EFHB: variants seen among roughly 807,000 people sequenced by gnomAD.
EFHB encodes the protein EF-hand domain family member B, also known as EF-hand domain-containing family member B.
EFHB carries 91 observed loss-of-function variants against 87.2 expected under a neutral mutation model. The observed-to-expected ratio is 1.04, with a 90% confidence interval of 0.88 to 1.24. The LOEUF is 1.24. Ranked by LOEUF, EFHB falls within the 50% of genes most tolerant of loss-of-function variation. EFHB has a pLI of 0.00. For missense variants in EFHB, 1,084 were observed against 998.8 expected (o/e 1.09, Z -1.15); for synonymous variants, 325 against 333.6 (o/e 0.97, Z 0.28).
intron 1 of EFHB, chr3:19,942,177 A>T (rs1236922700): frequency 2.0e-5 from 3 of 152,186 alleles, no homozygotes; most frequent in African/African-American, 4.8e-5. Context: ...ATAAAAATTT[A>T]AAAGTACCAC....
At chr3:19,889,769 T>C (rs1422962908) in intron 9 of EFHB, among the ~76,000 whole-genome samples, 1 of 152,146 alleles carries the variant, frequency 6.6e-6, no homozygotes, top group Non-Finnish European at 1.5e-5. Flanking sequence ...CGGTGGCTCA[T>C]GCCTGTAATC....
chr3:19,933,457 G>T lies in EFHB; in HGVS notation c.562C>A (p.Leu188Ile), dbSNP rs763709889. 5 of 1,613,892 alleles carry T rather than the reference G, an allele frequency of 3.1e-6. No homozygotes were observed. The highest frequency in any genetic ancestry group is 4.2e-6 in the Non-Finnish European group (5 of 1,179,896). ...VLMKPNTEIK[L>I]PVEVDIGLTQ... The stretch of plus-strand genomic sequence containing the variant: ...AGTCCAATGTCCACCTCCACAGGAA[G>T]CTTAATCTCTGTGTTGGGTTTCATT... Residue 188 changes from leucine (L) to isoleucine (I), a missense_variant, in exon 1 of 13, where the codon CTT (leucine) becomes ATT (isoleucine). By Grantham distance (5) the Leu-to-Ile change is conservative (BLOSUM62 2). Coordinates refer to ENST00000295824, the MANE Select transcript of EFHB (RefSeq NM_144715.4).
At chr3:19,916,381 G>C (rs2125148229) in intron 4 of EFHB, among the ~76,000 whole-genome samples, 1 of 152,092 alleles carries the variant, frequency 6.6e-6, no homozygotes, top group East Asian at 1.9e-4. Context: ...CAGGCGTGGT[G>C]GCACACGCCT....
chr3:19,938,582 A>G (rs1029063059), upstream of EFHB, among the ~76,000 whole-genome samples: 3 of 152,204 alleles, frequency 2.0e-5, no homozygotes, highest in African/African-American at 7.2e-5. Flanking sequence ...TCATCATAAA[A>G]TGTTAGGAAA....
intron 6 of EFHB, among the ~76,000 whole-genome samples, chr3:19,902,947 C>T (rs371955564): frequency 7.2e-5 from 11 of 152,008 alleles, no homozygotes; most frequent in South Asian, 2.1e-4. Flanking sequence ...GAGGCTGAGG[C>T]GGGCGGATCA....
At chr3:19,908,313 G>A (rs1039746555) in intron 5 of EFHB, among the ~76,000 whole-genome samples, 4 of 152,066 alleles carry the variant, frequency 2.6e-5, no homozygotes, top group South Asian at 4.2e-4. Flanking sequence ...CAGATGGATC[G>A]CCTGAGATTA....
In EFHB at chr3:19,879,555, A is replaced by G. The variant is rs963792092; in HGVS notation, c.*76T>C. 1.4e-6 allele frequency: 2 copies of G among 1,450,562 alleles called. No homozygotes were observed. The highest frequency in any genetic ancestry group is 2.8e-5 in the African/African-American group (2 of 70,304). The allele number at this position is 1,450,562 out of a possible 1,614,324, so 89.9% of individuals were successfully genotyped here. A position where few individuals can be genotyped will look rare whatever the true frequency, so the allele number is the denominator to read the frequency against. ...TGTGAACTCTAACATAATATCTAAA[A>G]CCAGAATGGATTCAACATTTTAGAT... On this transcript the variant is annotated 3_prime_UTR_variant, in exon 13 of 13. Transcript: ENST00000295824.
At chr3:19,900,625 GC>G (rs1694639139) in intron 6 of EFHB, among the ~76,000 whole-genome samples, 1 of 152,088 alleles carries the variant, frequency 6.6e-6, no homozygotes, top group Non-Finnish European at 1.5e-5. Flanking sequence ...AATCCAGATA[GC>G]AATTAAAAAT....
chr3:19,896,949 A>G, intron 8 of EFHB, 108 bp from the exon 9 acceptor site: 1 of 968,830 alleles, frequency 1.0e-6, no homozygotes, highest in Non-Finnish European at 1.5e-6. Context: ...TGAAAGAAAC[A>G]TCTAACTCTG....
rs1208344244 is a variant in EFHB at position 19,933,465 on chromosome 3, T to C, written c.554A>G (p.Glu185Gly). The change falls in exon 1 of 13, where the codon GAG becomes GGG. Residue 185 changes from glutamate to glycine, a missense_variant. Physicochemically the swap from Glu to Gly is moderately conservative, Grantham distance 98. Transcript: ENST00000295824. Reference sequence around the variant, plus strand: ...GTCCACCTCCACAGGAAGCTTAATCTCTGTGTTGGGTTTCATTAAAACACA... The same window carrying C: ...GTCCACCTCCACAGGAAGCTTAATCCCTGTGTTGGGTTTCATTAAAACACA... ...STCVLMKPNT[E>G]IKLPVEVDIG... is the part of the protein sequence containing the mutation. The C allele has an allele frequency of 6.2e-7, 1 of 1,614,028 alleles. No individual in the cohort carries two copies. Among genetic ancestry groups the C allele is most frequent in the Non-Finnish European group, 8.5e-7 (1 of 1,179,906 alleles).
intron 11 of EFHB, 88 bp downstream of exon 11, chr3:19,884,315 A>G (rs9882578): frequency 0.39 from 482,334 of 1,250,128 alleles, 99,088 homozygotes; most frequent in African/African-American, 0.68. Context: ...GGGAAACTTA[A>G]TCTAACGGAG....
chr3:19,879,489 T>A lies in EFHB; in HGVS notation c.*142A>T. On this transcript the variant is annotated 3_prime_UTR_variant, in exon 13 of 13. Transcript: ENST00000295824. ...ACAATAAATTTTAAAATCCAAAATC[T>A]AATTTATTAGCAACACATACAGGCA... The A allele has an allele frequency of 2.3e-6, 2 of 853,220 alleles. No individual in the cohort carries two copies. Among genetic ancestry groups the A allele is most frequent in the Non-Finnish European group, 3.3e-6 (2 of 603,532 alleles). The allele number at this position is 853,220 out of a possible 1,614,324, so 52.9% of individuals were successfully genotyped here.
chr3:19,880,389 A>G (rs915128413), intron 12 of EFHB, among the ~76,000 whole-genome samples: 9 of 151,960 alleles, frequency 5.9e-5, no homozygotes, highest in African/African-American at 2.2e-4. Context: ...AGCTGGGATT[A>G]CAGGTGTGTG....
chr3:19,908,562 A>AAGAGAGAGAGAGAGAGAGAGAGAGAGAG (rs71624361), intron 5 of EFHB, among the ~76,000 whole-genome samples: 6 of 83,896 alleles, frequency 7.2e-5, no homozygotes, highest in East Asian at 3.4e-4. Flanking sequence ...GAAAGAGAGA[A>AAGAGAGAGAGAGAGAGAGAGAGAGAGAG]AGAGAGAGAG....
Position 19,933,840 on chromosome 3 carries a change from G to C in EFHB, c.179C>G (p.Pro60Arg). The change falls in exon 1 of 13, where the codon CCA becomes CGA. Residue 60 changes from proline to arginine, a missense_variant. Transcript: ENST00000295824. ...CTTGCTCAATGGAAATTTTGTTTCTGGTGGTGCCATCCTTCCCTCACACTT... is the reference window on the plus strand; with the variant it reads ...CTTGCTCAATGGAAATTTTGTTTCTCGTGGTGCCATCCTTCCCTCACACTT... ...SNKCEGRMAP[P>R]ETKFPLSKGL... 6.2e-7 allele frequency: 1 copy of C among 1,613,864 alleles called. No homozygotes were observed. Among genetic ancestry groups the C allele is most frequent in the Non-Finnish European group, 8.5e-7 (1 of 1,179,858 alleles).
At chr3:19,900,647 G>C (rs1694639625) in intron 6 of EFHB, among the ~76,000 whole-genome samples, 2 of 152,114 alleles carry the variant, frequency 1.3e-5, no homozygotes, top group Admixed American at 1.3e-4. Flanking sequence ...GTAGAAAAGA[G>C]CCTGGGCACG....
At chr3:19,941,921 A>T (rs1163065286) in intron 1 of EFHB, among the ~76,000 whole-genome samples, 2 of 149,896 alleles carry the variant, frequency 1.3e-5, no homozygotes, top group Non-Finnish European at 3.0e-5. Context: ...TGGGAGGCTG[A>T]GGGGGGGCAG....
chr3:19,914,151 T>A (rs746755971), intron 5 of EFHB, among the ~76,000 whole-genome samples: 8 of 152,186 alleles, frequency 5.3e-5, no homozygotes, highest in Non-Finnish European at 1.2e-4. Context: ...TCTCACTATG[T>A]TGCCCAGGCT....
intron 6 of EFHB, among the ~76,000 whole-genome samples, chr3:19,899,795 G>C (rs905117036): frequency 7.9e-5 from 12 of 152,038 alleles, no homozygotes; most frequent in Non-Finnish European, 1.0e-4. Context: ...GCTCCTGGCC[G>C]GGCACAGTGG....
Sources: allele counts gnomAD v4.1 joint callset (sites outside exome capture counted in the v4.1 genomes callset), GRCh38; gene constraint gnomAD v4.1.1; transcripts MANE v1.5; gene names NCBI Gene and HGNC (gene_info 2026-07-23, HGNC 2026-07-21).